Variants in RAB10 observed in about 807,000 individuals in gnomAD.
RAB10 encodes the protein ras-related protein Rab-10.
Under a neutral mutation model 25.7 loss-of-function variants are expected in RAB10, and 5 were observed. The observed-to-expected ratio is 0.19, with a 90% confidence interval of 0.10 to 0.41. The LOEUF is 0.41. Among genes scored for constraint, RAB10 ranks in the 10% least tolerant of loss-of-function variants. The pLI is 1.00. For missense variants in RAB10, 103 were observed against 245.8 expected (o/e 0.42, Z 3.89); for synonymous variants, 89 against 86.4 (o/e 1.03, Z -0.16).
At chr2:26,075,189 G>A (rs990005112) in intron 1 of RAB10, among the ~76,000 whole-genome samples, 7 of 152,028 alleles carry the variant, frequency 4.6e-5, no homozygotes, top group Non-Finnish European at 8.8e-5. Flanking sequence ...ATATAGGTAA[G>A]GAATTAAAGA....
chr2:26,034,499 A>G lies in RAB10; in HGVS notation c.-110A>G. The G allele has an allele frequency of 6.8e-7, 1 of 1,463,068 alleles. No individual in the cohort carries two copies. The highest frequency in any genetic ancestry group is 9.2e-7 in the Non-Finnish European group (1 of 1,084,082). 90.6% of individuals were successfully genotyped at this position (1,463,068 alleles called of 1,614,324 possible). On this transcript the variant is annotated 5_prime_UTR_variant, in exon 1 of 6. Transcript: ENST00000264710. Reference sequence around the variant, plus strand: ...CCGCGCCGTCTCGAGCCTTTTTCCCACGCTTCCCCGGTCCTCCGGCCTGAG... The same window carrying G: ...CCGCGCCGTCTCGAGCCTTTTTCCCGCGCTTCCCCGGTCCTCCGGCCTGAG...
intron 1 of RAB10, among the ~76,000 whole-genome samples, chr2:26,075,851 A>AG (rs1666721355): frequency 6.6e-6 from 1 of 152,086 alleles, no homozygotes; most frequent in South Asian, 2.1e-4. Context: ...GTGGAGGGTT[A>AG]GGGGGTGGAA....
chr2:26,046,114 C>T (rs555681881), intron 1 of RAB10, among the ~76,000 whole-genome samples: 27 of 152,228 alleles, frequency 1.8e-4, no homozygotes, highest in Admixed American at 9.8e-4. Flanking sequence ...CACCTGAGGT[C>T]GGGAGTTCGA....
intron 3 of RAB10, among the ~76,000 whole-genome samples, chr2:26,122,350 TGGGCGCGG>T (rs779234172): frequency 6.6e-6 from 1 of 152,184 alleles, no homozygotes; most frequent in Non-Finnish European, 1.5e-5. Context: ...ACTTGTAGGC[TGGGCGCGG>T]TGGCTCACGC....
Position 26,104,463 on chromosome 2 carries a change from A to G in RAB10, c.189-5305A>G, listed in dbSNP as rs1046806404. On this transcript the variant is annotated intron_variant, in intron 2 of 5. Coordinates refer to ENST00000264710, the MANE Select transcript of RAB10 (RefSeq NM_016131.5). ...TATTGTTGAGTTGTAAGTTATTTGT[A>G]TATTCTGCATACCCAAGTCCCATAT... Among the ~76,000 whole-genome samples, 5 of 152,226 alleles carry G rather than the reference A, an allele frequency of 3.3e-5. No homozygotes were observed. In the East Asian group the frequency reaches 7.7e-4, roughly 24 times the overall value.
At chr2:26,099,357 CATACGTAT>C in intron 2 of RAB10, among the ~76,000 whole-genome samples, 1 of 152,038 alleles carries the variant, frequency 6.6e-6, no homozygotes, top group Non-Finnish European at 1.5e-5. Context: ...TAAGTTTTGA[CATACGTAT>C]AAACCTGTAA....
At chr2:26,096,648 G>C (rs900171914) in intron 1 of RAB10, among the ~76,000 whole-genome samples, 1 of 151,910 alleles carries the variant, frequency 6.6e-6, no homozygotes. Context: ...GACTTAACCT[G>C]TTCTTTTGGT....
intron 1 of RAB10, among the ~76,000 whole-genome samples, chr2:26,089,281 G>A (rs530064487): frequency 1.3e-5 from 2 of 152,034 alleles, no homozygotes; most frequent in Admixed American, 1.3e-4. Context: ...AAATTAGCCG[G>A]GCATGATGGT....
chr2:26,093,462 G>T (rs1209690987), intron 1 of RAB10, among the ~76,000 whole-genome samples: 2 of 152,160 alleles, frequency 1.3e-5, no homozygotes, highest in Non-Finnish European at 2.9e-5. Flanking sequence ...ATATATTTAA[G>T]ATTGCAGCAC....
chr2:26,045,725 G>A (rs1363713041), intron 1 of RAB10, among the ~76,000 whole-genome samples: 1 of 152,156 alleles, frequency 6.6e-6, no homozygotes, highest in Non-Finnish European at 1.5e-5. Context: ...TCATAAAGGA[G>A]GAGTTTCATT....
In RAB10 at chr2:26,091,433, C is replaced by A. The variant is rs527971298; in HGVS notation, c.128-7229C>A. Among the ~76,000 whole-genome samples the A allele has an allele frequency of 1.2e-4, 18 of 152,010 alleles. 1 individual carries two copies. In the South Asian group the frequency reaches 3.8e-3, roughly 32 times the overall value. ...ACCTTTATGGAAAGGTAGTGAGAGG[C>A]GAACCTGGCTGTCTTGTGCATAGAG... On this transcript the variant is annotated intron_variant, in intron 1 of 5. Coordinates refer to ENST00000264710, the MANE Select transcript of RAB10 (RefSeq NM_016131.5).
At chr2:26,079,354 CTAT>C (rs1257490046) in intron 1 of RAB10, among the ~76,000 whole-genome samples, 3 of 149,218 alleles carry the variant, frequency 2.0e-5, no homozygotes, top group Admixed American at 6.7e-5. Context: ...CACACACACA[CTAT>C]ATACACATAC....
intron 1 of RAB10, among the ~76,000 whole-genome samples, chr2:26,037,395 T>G (rs1377628090): frequency 6.6e-6 from 1 of 152,030 alleles, no homozygotes; most frequent in African/African-American, 2.4e-5. Context: ...TCCCAGCTCT[T>G]TGGGAGGCCG....
chr2:26,118,531 T>A (rs1308828088), intron 3 of RAB10, among the ~76,000 whole-genome samples: 1 of 152,180 alleles, frequency 6.6e-6, no homozygotes, highest in Non-Finnish European at 1.5e-5. Flanking sequence ...AAATATATAT[T>A]GGTTTCTGAA....
intron 2 of RAB10, among the ~76,000 whole-genome samples, chr2:26,106,070 A>G (rs192027492): frequency 1.9e-4 from 29 of 152,328 alleles, no homozygotes; most frequent in Admixed American, 1.6e-3. Flanking sequence ...GGAAATAGCT[A>G]TTGGGTTTGG....
chr2:26,104,737 A>ATTTT (rs35749938), intron 2 of RAB10, among the ~76,000 whole-genome samples: 2 of 133,364 alleles, frequency 1.5e-5, no homozygotes, highest in African/African-American at 2.8e-5. Context: ...TTTTGAGGTA[A>ATTTT]TTTTTTTTTT....
At chr2:26,103,306 A>G (rs1667383237) in intron 2 of RAB10, among the ~76,000 whole-genome samples, 1 of 152,224 alleles carries the variant, frequency 6.6e-6, no homozygotes. Flanking sequence ...ATATGAAAAG[A>G]TTTTGAGAAA....
chr2:26,059,629 T>C (rs938677721), intron 1 of RAB10, among the ~76,000 whole-genome samples: 2 of 152,210 alleles, frequency 1.3e-5, no homozygotes, highest in Non-Finnish European at 2.9e-5. Flanking sequence ...CACTTCCAAG[T>C]ATATATCCCA....
chr2:26,036,742 G>A (rs1342581264), intron 1 of RAB10, among the ~76,000 whole-genome samples: 6 of 152,092 alleles, frequency 3.9e-5, no homozygotes, highest in Non-Finnish European at 8.8e-5. Context: ...GGAAAAGGGA[G>A]CATAGAACAA....
Sources: allele counts gnomAD v4.1 joint callset (sites outside exome capture counted in the v4.1 genomes callset), GRCh38; gene constraint gnomAD v4.1.1; transcripts MANE v1.5; gene names NCBI Gene and HGNC (gene_info 2026-07-23, HGNC 2026-07-21).